The following PLCB1 variants were observed in gnomAD, a reference collection of about 807,000 sequenced individuals.
PLCB1 encodes the protein 1-phosphatidylinositol 4,5-bisphosphate phosphodiesterase beta-1.
A neutral mutation model predicts 161.8 loss-of-function variants in PLCB1; 46 were observed. The ratio of observed to expected loss-of-function variants is 0.28; its 90% CI spans 0.22 to 0.36. The LOEUF (loss-of-function observed/expected upper bound fraction) is 0.36, where lower values mean the gene tolerates loss of function less well. PLCB1 is among the 10% of genes least tolerant of loss of function. The pLI, the probability that PLCB1 is intolerant of heterozygous loss-of-function variation, is 1.00. For synonymous variants in PLCB1, 517 were observed against 503.7 expected (o/e 1.03, Z -0.35); for missense variants, 1,016 against 1,472.5 (o/e 0.69, Z 5.07).
In PLCB1 at chr20:8,757,031, T is replaced by C; in HGVS notation, c.2524-15T>C. ...AAAAGAAATGTGGAAAATGAAAGGA[T>C]ATTTATAATTTTAGGCTGATCCTGG... On this transcript the variant is annotated splice_polypyrimidine_tract_variant and intron_variant, in intron 23 of 31. Transcript: ENST00000338037. 1 of 1,582,222 alleles carries C rather than the reference T, an allele frequency of 6.3e-7. No individual in the cohort carries two copies.
intron 3 of PLCB1, among the ~76,000 whole-genome samples, chr20:8,533,921 A>G (rs1264200771): frequency 6.6e-6 from 1 of 152,084 alleles, no homozygotes; most frequent in Non-Finnish European, 1.5e-5. Flanking sequence ...TTGGTGTTTT[A>G]GACATGAAGT....
chr20:8,151,572 C>T (rs556849935), intron 2 of PLCB1, among the ~76,000 whole-genome samples: 1 of 152,178 alleles, frequency 6.6e-6, no homozygotes, highest in Non-Finnish European at 1.5e-5. Flanking sequence ...CTACTTAACG[C>T]TCACATTTAT....
At chr20:8,750,962 G>T (rs757399146) in intron 23 of PLCB1, 2 of 719,404 alleles carry the variant, frequency 2.8e-6, no homozygotes, top group Admixed American at 2.9e-5. Flanking sequence ...TTGAGACGGA[G>T]TCTTGCTCAG....
intron 9 of PLCB1, among the ~76,000 whole-genome samples, chr20:8,684,116 C>T (rs994460524): frequency 6.6e-6 from 1 of 152,060 alleles, no homozygotes; most frequent in African/African-American, 2.4e-5. Context: ...GATCTCCTGA[C>T]CTTGTGATCT....
Position 8,847,190 on chromosome 20 carries a change from C to T in PLCB1, c.3424-34432C>T, listed in dbSNP as rs78259026. ...AAGATTCTCACACACCATCCTCAGA[C>T]ATTCTGATTCTGAAGCTCAGGATCA... On this transcript the variant is annotated intron_variant, in intron 31 of 31. Transcript: ENST00000338037. Among the ~76,000 whole-genome samples, 419 of 147,856 alleles carry T rather than the reference C, an allele frequency of 2.8e-3. 3 individuals carry two copies. The highest frequency in any genetic ancestry group is 9.1e-3 in the African/African-American group (373 of 41,112).
chr20:8,760,544 C>A, intron 25 of PLCB1, 84 bp downstream of exon 25: 1 of 857,782 alleles, frequency 1.2e-6, no homozygotes, highest in Non-Finnish European at 1.9e-6. Flanking sequence ...AATTTCCATT[C>A]ATATCTGAAA....
At chr20:8,673,854 C>CT (rs1362407089) in intron 9 of PLCB1, among the ~76,000 whole-genome samples, 2 of 152,168 alleles carry the variant, frequency 1.3e-5, no homozygotes, top group East Asian at 3.9e-4. Context: ...TAAAGATCAG[C>CT]AGTGAACTAG....
At chr20:8,295,550 G>A (rs1422999582) in intron 2 of PLCB1, among the ~76,000 whole-genome samples, 1 of 151,972 alleles carries the variant, frequency 6.6e-6, no homozygotes, top group African/African-American at 2.4e-5. Flanking sequence ...CCAAATCTAT[G>A]TTTGCTAACC....
In PLCB1 at chr20:8,646,666, G is replaced by A. The variant is rs118145015; in HGVS notation, c.464+485G>A. Among the ~76,000 whole-genome samples, 187 of 152,184 alleles carry A rather than the reference G, an allele frequency of 1.2e-3. 2 individuals carry two copies. In the East Asian group the frequency reaches 0.033, roughly 27 times the overall value. ...ATTCCATCCCATGTAGATGATCCCA[G>A]CAAGTATTAGTAAGAAAAGAGAAAG... On this transcript the variant is annotated intron_variant, in intron 5 of 31. Coordinates refer to ENST00000338037, the MANE Select transcript of PLCB1 (RefSeq NM_015192.4).
intron 3 of PLCB1, among the ~76,000 whole-genome samples, chr20:8,612,545 T>G (rs894878046): frequency 6.6e-6 from 1 of 152,186 alleles, no homozygotes; most frequent in Non-Finnish European, 1.5e-5. Context: ...CCATAGGGAT[T>G]AAATGTCCTG....
chr20:8,587,682 T>C (rs1228783762), intron 3 of PLCB1, among the ~76,000 whole-genome samples: 1 of 152,216 alleles, frequency 6.6e-6, no homozygotes, highest in Non-Finnish European at 1.5e-5. Context: ...ACAACTGTCT[T>C]GCCTGAGATT....
Position 8,697,718 on chromosome 20 carries a change from C to A in PLCB1, c.1102C>A (p.Arg368=), listed in dbSNP as rs751256923. The A allele has an allele frequency of 1.2e-6, 2 of 1,614,094 alleles. No homozygotes were observed. Among genetic ancestry groups the A allele is most frequent in the Non-Finnish European group, 8.5e-7 (1 of 1,180,002 alleles). ...RCVELDCWKG[R]TAEEEPVITH... is the part of the protein sequence containing the mutation. ...TGTGGAGCTGGACTGCTGGAAGGGA[C>A]GGACTGCAGAAGAGGAACCTGTCAT... Residue 368 remains arginine (R), a synonymous_variant, in exon 11 of 32, where the codon CGG becomes AGG. Transcript: ENST00000338037.
chr20:8,485,323 G>C (rs553544794), intron 3 of PLCB1, among the ~76,000 whole-genome samples: 44 of 152,286 alleles, frequency 2.9e-4, no homozygotes, highest in African/African-American at 9.9e-4. Flanking sequence ...AAACAAAAGA[G>C]ATATTTAATA....
At chr20:8,496,083 C>G (rs1040076972) in intron 3 of PLCB1, among the ~76,000 whole-genome samples, 1 of 152,098 alleles carries the variant, frequency 6.6e-6, no homozygotes, top group African/African-American at 2.4e-5. Context: ...TAGTATCATT[C>G]CCAGCATATA....
At chr20:8,220,998 A>G (rs1049884866) in intron 2 of PLCB1, among the ~76,000 whole-genome samples, 1 of 152,086 alleles carries the variant, frequency 6.6e-6, no homozygotes, top group Non-Finnish European at 1.5e-5. Context: ...CACTGGCAAC[A>G]CTCTGGGAAG....
chr20:8,690,864 T>C (rs1990461880), intron 10 of PLCB1, among the ~76,000 whole-genome samples: 1 of 152,190 alleles, frequency 6.6e-6, no homozygotes, highest in Admixed American at 6.5e-5. Context: ...GACAGTTAAT[T>C]TGTGAGGTTA....
intron 7 of PLCB1, among the ~76,000 whole-genome samples, chr20:8,655,813 G>T (rs759414583): frequency 3.9e-4 from 59 of 151,984 alleles, no homozygotes; most frequent in Non-Finnish European, 7.5e-4. Context: ...TCTCTTCCTT[G>T]TGTCTAACAG....
At chr20:8,514,417 G>A (rs1388343287) in intron 3 of PLCB1, among the ~76,000 whole-genome samples, 6 of 145,664 alleles carry the variant, frequency 4.1e-5, no homozygotes, top group East Asian at 2.0e-4. Context: ...TCCAGCCTGC[G>A]CTGGGCAACA....
In PLCB1 at chr20:8,132,816, G is replaced by C; in HGVS notation, c.99+66G>C. 1 of 1,155,656 alleles carries C rather than the reference G, an allele frequency of 8.7e-7. No individual in the cohort carries two copies. Among genetic ancestry groups the C allele is most frequent in the Non-Finnish European group, 1.3e-6 (1 of 780,568 alleles). The allele number at this position is 1,155,656 out of a possible 1,614,324, so 71.6% of individuals were successfully genotyped here. On this transcript the variant is annotated intron_variant, in intron 1 of 31. Coordinates refer to ENST00000338037, the MANE Select transcript of PLCB1 (RefSeq NM_015192.4). This position sits in a 1 kb window ranked among gnomAD's most constrained non-coding sequence, Gnocchi z 5.2. ...CACCGGGCAGGGCGGGCGTCGTGGG[G>C]GTGGGGCAAGGGGCGCGTTATGCAA...
Sources: allele counts gnomAD v4.1 joint callset (sites outside exome capture counted in the v4.1 genomes callset), GRCh38; gene constraint gnomAD v4.1.1; non-coding constraint Gnocchi (gnomAD v3.1); transcripts MANE v1.5; gene names NCBI Gene and HGNC (gene_info 2026-07-23, HGNC 2026-07-21).